CSGALNACT1: variants seen among roughly 807,000 people sequenced by gnomAD.
CSGALNACT1 encodes the protein beta4GalNAcT-1.
In CSGALNACT1, 52 loss-of-function variants were observed where a neutral mutation model predicts 51.0. The ratio of observed to expected loss-of-function variants is 1.02; its 90% CI spans 0.82 to 1.29. The LOEUF (loss-of-function observed/expected upper bound fraction) is 1.29, where lower values mean the gene tolerates loss of function less well. CSGALNACT1 is among the 50% of genes most tolerant of loss of function. CSGALNACT1 has a pLI of 0.00. For missense variants in CSGALNACT1, 935 were observed against 679.2 expected, an observed-to-expected ratio of 1.38 and a Z score of -4.19; for synonymous variants, 341 against 254.4, an observed-to-expected ratio of 1.34 and a Z score of -3.24.
intron 1 of CSGALNACT1, among the ~76,000 whole-genome samples, chr8:19,734,927 T>C (rs2154247366): frequency 6.6e-6 from 1 of 152,138 alleles, no homozygotes; most frequent in African/African-American, 2.4e-5. Context: ...TAAGGAAAAC[T>C]GTCAGAGCCC....
At chr8:19,513,254 G>A (rs550532284) in intron 3 of CSGALNACT1, among the ~76,000 whole-genome samples, 15 of 151,912 alleles carry the variant, frequency 9.9e-5, no homozygotes, top group African/African-American at 2.4e-4. Flanking sequence ...GGAGGATAGC[G>A]ACAATGTGGG....
At chr8:19,702,502 T>C (rs938917295) in intron 1 of CSGALNACT1, among the ~76,000 whole-genome samples, 5 of 151,736 alleles carry the variant, frequency 3.3e-5, no homozygotes, top group Admixed American at 2.6e-4. Context: ...TCAGGGTCTA[T>C]GTCTCTAAAA....
intron 4 of CSGALNACT1, among the ~76,000 whole-genome samples, chr8:19,464,881 C>A (rs544724650): frequency 7.2e-5 from 11 of 152,290 alleles, no homozygotes; most frequent in Admixed American, 3.9e-4. Flanking sequence ...GAATCCTGTG[C>A]ACTACCGGCG....
intron 5 of CSGALNACT1, among the ~76,000 whole-genome samples, chr8:19,457,237 G>T (rs181588225): frequency 1.3e-5 from 2 of 152,134 alleles, no homozygotes; most frequent in African/African-American, 2.4e-5. Flanking sequence ...AACAGAGTAC[G>T]CTCATGAACC....
intron 3 of CSGALNACT1, among the ~76,000 whole-genome samples, chr8:19,512,411 C>T (rs2078641089): frequency 6.6e-6 from 1 of 152,276 alleles, no homozygotes; most frequent in African/African-American, 2.4e-5. Context: ...GACCCTAAGA[C>T]CTTGTGAGAT....
chr8:19,708,738 C>T (rs1409105711), intron 1 of CSGALNACT1, among the ~76,000 whole-genome samples: 2 of 152,138 alleles, frequency 1.3e-5, no homozygotes, highest in Non-Finnish European at 2.9e-5. Context: ...TCTGTCCACT[C>T]CCCGGGACTG....
chr8:19,457,525 A>C, intron 5 of CSGALNACT1: 1 of 469,812 alleles, frequency 2.1e-6, no homozygotes, highest in South Asian at 1.7e-5. Context: ...AGGCAGGAGA[A>C]TTACCTGAAC....
intron 6 of CSGALNACT1, among the ~76,000 whole-genome samples, chr8:19,430,920 T>G (rs1226178353): frequency 6.6e-6 from 1 of 152,170 alleles, no homozygotes; most frequent in African/African-American, 2.4e-5. Flanking sequence ...TTCATTTCTA[T>G]GTTTCTAAAC....
intron 6 of CSGALNACT1, among the ~76,000 whole-genome samples, chr8:19,430,478 C>T (rs1221290738): frequency 6.6e-6 from 1 of 152,148 alleles, no homozygotes; most frequent in African/African-American, 2.4e-5. Context: ...ATTCTTTCCC[C>T]CATATGATGA....
intron 1 of CSGALNACT1, among the ~76,000 whole-genome samples, chr8:19,620,430 C>CTTTT (rs35123924): frequency 4.2e-4 from 59 of 142,132 alleles, no homozygotes; most frequent in African/African-American, 4.9e-4. Flanking sequence ...GGAAAAGAAT[C>CTTTT]TTTTTTTTTT....
At chr8:19,546,602 C>A (rs1306982380) in intron 3 of CSGALNACT1, among the ~76,000 whole-genome samples, 1 of 152,204 alleles carries the variant, frequency 6.6e-6, no homozygotes, top group Non-Finnish European at 1.5e-5. Context: ...TCTGATGCTG[C>A]ACAGCCACAT....
chr8:19,598,615 G>C (rs763506919), intron 2 of CSGALNACT1, among the ~76,000 whole-genome samples: 52 of 152,172 alleles, frequency 3.4e-4, no homozygotes, highest in South Asian at 1.4e-3. Context: ...TGCTAGTCAT[G>C]CTTCACAGAC....
chr8:19,513,588 C>A (rs142784003), intron 3 of CSGALNACT1, among the ~76,000 whole-genome samples: 2 of 151,784 alleles, frequency 1.3e-5, no homozygotes, highest in Admixed American at 1.3e-4. Context: ...CACAGTTATG[C>A]CATTGCTTAA....
chr8:19,404,601 T>G lies in CSGALNACT1; in HGVS notation c.*1179A>C, dbSNP rs544124721. ...CTAGATTCTGGCAGATGGATTGATC[T>G]TTCACAATATATATATATATATTTT... On this transcript the variant is annotated 3_prime_UTR_variant, in exon 10 of 10. Coordinates refer to ENST00000454498, the Ensembl canonical transcript of CSGALNACT1. 7.9e-6 allele frequency: 3 copies of G among 381,714 alleles called. No homozygotes were observed. The East Asian group carries it at 2.7e-4, about 35-fold the overall frequency. The allele number at this position is 381,714 out of a possible 1,614,324, so 23.6% of individuals were successfully genotyped here.
chr8:19,617,608 C>T (rs1368488288), intron 1 of CSGALNACT1, among the ~76,000 whole-genome samples: 1 of 152,108 alleles, frequency 6.6e-6, no homozygotes, highest in African/African-American at 2.4e-5. Context: ...TTTACCACTG[C>T]TAGAAAAAAG....
At chr8:19,479,439 T>G (rs1203578442) in intron 4 of CSGALNACT1, among the ~76,000 whole-genome samples, 1 of 152,230 alleles carries the variant, frequency 6.6e-6, no homozygotes, top group Non-Finnish European at 1.5e-5. Flanking sequence ...TTTATCAGTG[T>G]TAATAATTTG....
intron 5 of CSGALNACT1, among the ~76,000 whole-genome samples, chr8:19,457,989 C>A (rs1325036720): frequency 1.3e-5 from 2 of 152,184 alleles, no homozygotes; most frequent in Admixed American, 6.5e-5. Flanking sequence ...GTGAAGGCAG[C>A]CTAGAGCCAA....
At chr8:19,428,705 A>G (rs2059162603) in intron 6 of CSGALNACT1, among the ~76,000 whole-genome samples, 1 of 152,178 alleles carries the variant, frequency 6.6e-6, no homozygotes, top group South Asian at 2.1e-4. Flanking sequence ...TAAATAAACT[A>G]CTATACAGCA....
At chr8:19,625,636 A>G (rs774776581) in intron 1 of CSGALNACT1, among the ~76,000 whole-genome samples, 2 of 152,210 alleles carry the variant, frequency 1.3e-5, no homozygotes, top group African/African-American at 2.4e-5. Flanking sequence ...AGCTGACTCT[A>G]TACTATAGCG....
Sources: allele counts gnomAD v4.1 joint callset (sites outside exome capture counted in the v4.1 genomes callset), GRCh38; gene constraint gnomAD v4.1.1; transcripts MANE v1.5; gene names NCBI Gene and HGNC (gene_info 2026-07-23, HGNC 2026-07-21).